TRPM1: variants seen among roughly 807,000 people sequenced by gnomAD.
The protein encoded by TRPM1 is transient receptor potential cation channel subfamily M member 1.
In TRPM1, 113 loss-of-function variants were observed where a neutral mutation model predicts 149.4. That is an observed-to-expected ratio of 0.76 (90% confidence interval 0.65 to 0.88). The LOEUF (loss-of-function observed/expected upper bound fraction) is 0.88. Ranked by LOEUF, TRPM1 falls within the 40% of genes least tolerant of loss-of-function variation. TRPM1 has a pLI of 0.00. For synonymous variants in TRPM1, 741 were observed against 759.5 expected (o/e 0.98, Z 0.40); for missense variants, 1,976 against 2,038.7 (o/e 0.97, Z 0.59).
At position 31,046,297 on chromosome 15, in the gene TRPM1, T is replaced by G. The variant is rs12907509; in HGVS notation, c.1765-64A>C. On this transcript the variant is annotated intron_variant, in intron 15 of 27. Coordinates refer to ENST00000256552, the MANE Select transcript of TRPM1 (RefSeq NM_001252024.2). ...TAGATAACTAATGTTAGTAGTACAT[T>G]AGCAGTATTGTTGATAGTGGACATA... The G allele has an allele frequency of 0.13, 195,880 of 1,492,790 alleles. 13,935 individuals are homozygous for G. Among genetic ancestry groups the G allele is most frequent in the African/African-American group, 0.2 (13,665 of 69,124 alleles). 92.5% of individuals were successfully genotyped at this position (1,492,790 alleles called of 1,614,324 possible).
Position 31,063,270 on chromosome 15 carries a change from G to C in TRPM1, c.813C>G (p.Leu271=), listed in dbSNP as rs1363786243. The change falls in exon 8 of 28, where the codon CTC becomes CTG. Residue 271 remains leucine (L), a synonymous_variant. Transcript: ENST00000256552. ...INTRLGQGVP[L]VGLVVEGGPN... is the part of the protein sequence containing the mutation. ...GGCCCCCCTCCACCACGAGACCCAC[G>C]AGGGGCACGCCCTGCCCCAGTCCTG... The C allele has an allele frequency of 6.2e-7, 1 of 1,614,022 alleles. No individual in the cohort carries two copies. The highest frequency in any genetic ancestry group is 1.7e-5 in the Admixed American group (1 of 60,020).
chr15:31,056,418 C>G (rs1323158093), intron 11 of TRPM1, among the ~76,000 whole-genome samples: 1 of 152,088 alleles, frequency 6.6e-6, no homozygotes, highest in Non-Finnish European at 1.5e-5. Flanking sequence ...GAAGATACAT[C>G]CTTGTGAAAT....
At chr15:31,092,288 T>C (rs2035260334) in intron 1 of TRPM1, among the ~76,000 whole-genome samples, 5 of 150,854 alleles carry the variant, frequency 3.3e-5, no homozygotes, top group Admixed American at 3.3e-4. Context: ...AAAGGTGTGG[T>C]GTCGGTGCGT....
At chr15:31,092,573 G>A (rs906732948) in intron 1 of TRPM1, among the ~76,000 whole-genome samples, 5 of 152,178 alleles carry the variant, frequency 3.3e-5, no homozygotes, top group African/African-American at 1.2e-4. Context: ...CCCCTTTCAG[G>A]AGGACAGAAA....
intron 3 of TRPM1, among the ~76,000 whole-genome samples, chr15:31,072,446 G>A (rs540735274): frequency 4.6e-5 from 7 of 152,130 alleles, no homozygotes; most frequent in African/African-American, 1.2e-4. Flanking sequence ...TGGGCTATTC[G>A]CACTCTTCAG....
intron 1 of TRPM1, among the ~76,000 whole-genome samples, chr15:31,089,867 A>G (rs549141038): frequency 1.1e-4 from 17 of 152,266 alleles, no homozygotes; most frequent in African/African-American, 4.1e-4. Context: ...TAACTGTGCC[A>G]TGTGGCGCAC....
chr15:31,153,819 A>G (rs1202540227), intron 1 of TRPM1, among the ~76,000 whole-genome samples: 1 of 152,218 alleles, frequency 6.6e-6, no homozygotes, highest in African/African-American at 2.4e-5. Context: ...GAAAACATCG[A>G]CAAGTCTCAA....
At chr15:31,062,878 T>C (rs968231719) in intron 8 of TRPM1, 176 bp from the exon 9 acceptor site, 16 of 977,034 alleles carry the variant, frequency 1.6e-5, no homozygotes, top group Non-Finnish European at 2.5e-5. Flanking sequence ...ATTCCAGCTT[T>C]GTTGCAAACT....
At chr15:31,105,662 T>A (rs2035596843), upstream of TRPM1, among the ~76,000 whole-genome samples, 2 of 152,260 alleles carry the variant, frequency 1.3e-5, no homozygotes, top group South Asian at 4.1e-4. Flanking sequence ...TAGTTTCAAG[T>A]AACACACCCA....
chr15:31,064,650 C>A (rs887668813), intron 7 of TRPM1, among the ~76,000 whole-genome samples: 2 of 152,170 alleles, frequency 1.3e-5, no homozygotes, highest in Non-Finnish European at 2.9e-5. Flanking sequence ...CTCTGAAGGG[C>A]TTCAGATAAA....
At chr15:31,135,694 T>C (rs1056278701) in intron 1 of TRPM1, among the ~76,000 whole-genome samples, 3 of 152,084 alleles carry the variant, frequency 2.0e-5, no homozygotes, top group Non-Finnish European at 4.4e-5. Flanking sequence ...CTTGCAGTAA[T>C]GAGTGAACTC....
intron 27 of TRPM1, among the ~76,000 whole-genome samples, chr15:31,025,345 G>A (rs910993738): frequency 1.3e-5 from 2 of 152,182 alleles, no homozygotes; most frequent in Non-Finnish European, 2.9e-5. Flanking sequence ...AAAAAGTGCA[G>A]ACAGTGAAGG....
At chr15:31,118,894 A>ATCT (rs368244634) in intron 1 of TRPM1, among the ~76,000 whole-genome samples, 31,584 of 151,830 alleles carry the variant, frequency 0.21, 3,853 homozygotes, top group African/African-American at 0.32. Context: ...TCAACACATG[A>ATCT]ATTTGATGGG....
At chr15:31,092,075 A>G (rs1364504751) in intron 1 of TRPM1, among the ~76,000 whole-genome samples, 2 of 126,112 alleles carry the variant, frequency 1.6e-5, no homozygotes, top group Admixed American at 8.4e-5. Context: ...ATGAGGGAGA[A>G]AGTTTTTCTC....
chr15:31,076,127 CG>C (rs3214509), intron 3 of TRPM1, among the ~76,000 whole-genome samples: 5 of 151,632 alleles, frequency 3.3e-5, no homozygotes, highest in African/African-American at 9.7e-5. Context: ...TTTCTTACCT[CG>C]GGGGGCAATC....
upstream of TRPM1, among the ~76,000 whole-genome samples, chr15:31,104,436 T>C (rs965529445): frequency 1.3e-5 from 2 of 152,162 alleles, no homozygotes; most frequent in Non-Finnish European, 2.9e-5. Flanking sequence ...TCTCGAAACC[T>C]GTTCAGATTC....
intron 1 of TRPM1, among the ~76,000 whole-genome samples, chr15:31,113,197 G>A (rs746432613): frequency 2.6e-5 from 4 of 152,282 alleles, no homozygotes; most frequent in Admixed American, 6.5e-5. Context: ...TCCAGCTGGT[G>A]AATGGTAACT....
At chr15:31,028,553 A>G in intron 24 of TRPM1, 77 bp from the exon 25 acceptor site, 2 of 1,489,178 alleles carry the variant, frequency 1.3e-6, no homozygotes, top group Non-Finnish European at 1.9e-6. Context: ...TATGTTTTTC[A>G]ATACCTATTT....
At position 31,041,159 on chromosome 15, in the gene TRPM1, C is replaced by CT. The variant is rs35680162; in HGVS notation, c.2087+791dup. Among the ~76,000 whole-genome samples, 941 of 146,586 alleles carry CT rather than the reference C, an allele frequency of 6.4e-3. 11 individuals are homozygous for CT. Among genetic ancestry groups the CT allele is most frequent in the Middle Eastern group, 0.025 (7 of 282 alleles). On this transcript the variant is annotated intron_variant, in intron 17 of 27. Transcript: ENST00000256552. ...CCATAAACGTTCCAAGTTCCTTCAA[C>CT]TTTTTTTTTTTTTGAGATGGAGTCT...
Sources: gnomAD v4.1 joint callset for allele counts (sites outside exome capture counted in the v4.1 genomes callset) on GRCh38, gnomAD v4.1.1 for gene constraint, MANE v1.5 for transcripts, NCBI Gene and HGNC (gene_info 2026-07-23, HGNC 2026-07-21) for gene names.